Variants in IFT27 observed in about 807,000 individuals in gnomAD.
The protein encoded by IFT27 is intraflagellar transport 27, also known as intraflagellar transport protein 27 homolog.
A neutral mutation model predicts 23.9 loss-of-function variants in IFT27; 19 were observed. The observed-to-expected ratio is 0.79, with a 90% CI of 0.55 to 1.16. The LOEUF is 1.16. IFT27 is among the 50% of genes most tolerant of loss of function. The pLI, the probability that IFT27 is intolerant of heterozygous loss-of-function variation, is 0.00. For synonymous variants in IFT27, 91 were observed against 89.1 expected, an observed-to-expected ratio of 1.02 and a Z score of -0.12; for missense variants, 206 against 228.7, an observed-to-expected ratio of 0.90 and a Z score of 0.64.
intron 3 of IFT27, among the ~76,000 whole-genome samples, chr22:36,766,760 C>G (rs867670808): frequency 5.1e-4 from 77 of 151,988 alleles, no homozygotes; most frequent in African/African-American, 1.7e-3. Context: ...CAGGGCTGGT[C>G]CCCTAGGAAA....
At chr22:36,767,990 G>A (rs770314250) in intron 1 of IFT27, 128 bp from the exon 2 acceptor site, 21 of 886,878 alleles carry the variant, frequency 2.4e-5, no homozygotes, top group Middle Eastern at 2.1e-4. Flanking sequence ...TGCCTCTCAC[G>A]GGAACTTGTT....
At chr22:36,775,337 C>A (rs1366865866) in intron 1 of IFT27, among the ~76,000 whole-genome samples, 2 of 152,064 alleles carry the variant, frequency 1.3e-5, no homozygotes, top group Non-Finnish European at 2.9e-5. Flanking sequence ...CTGAAGCACT[C>A]AAGGTTTGCT....
In IFT27 at chr22:36,775,729, C is replaced by A. The variant is rs1329392161; in HGVS notation, c.-22G>T. 3.1e-6 allele frequency: 5 copies of A among 1,614,094 alleles called. No individual in the cohort carries two copies. Among genetic ancestry groups the A allele is most frequent in the Non-Finnish European group, 4.2e-6 (5 of 1,179,978 alleles). ...CCATGGTAACCAACACTCCCGCGAG[C>A]CGTACCCAGAGGACAAGAGCGGCTG... is the stretch of plus-strand genomic sequence containing the variant. On this transcript the variant is annotated 5_prime_UTR_variant, in exon 1 of 7. Transcript: ENST00000433985.
chr22:36,772,666 G>A, intron 1 of IFT27: 1 of 985,434 alleles, frequency 1.0e-6, no homozygotes. Context: ...ACTCATGCTT[G>A]CAGGCCCACT....
chr22:36,761,971 C>CA (rs1371159869), intron 6 of IFT27: 6 of 152,232 alleles, frequency 3.9e-5, no homozygotes, highest in African/African-American at 1.4e-4. Context: ...AGGTGAGGTC[C>CA]AAGTTACGAC....
Position 36,774,231 on chromosome 22 carries a change from AC to A in IFT27, c.34+1442del, listed in dbSNP as rs572770661. ...CTACTGTCAGTCATCTTTCTGTGTG[AC>A]CCTTTTATTTTCAAATTATAAAAGC... is the stretch of plus-strand genomic sequence containing the variant. On this transcript the variant is annotated intron_variant, in intron 1 of 6. Coordinates refer to ENST00000433985, the MANE Select transcript of IFT27 (RefSeq NM_001177701.3). Among the ~76,000 whole-genome samples the A allele has an allele frequency of 1.8e-4, 28 of 152,226 alleles. No homozygotes were observed. In the East Asian group the frequency reaches 5.2e-3, roughly 28 times the overall value.
rs773203145 is a variant in IFT27 at position 36,758,260 on chromosome 22, C to G, written c.*51G>C. Reference sequence around the variant, plus strand: ...AAGCCATCATTATATATTAAAAGAGCAGAGGTAATTCTGTCTTCTCCGGTT... The same window carrying G: ...AAGCCATCATTATATATTAAAAGAGGAGAGGTAATTCTGTCTTCTCCGGTT... On this transcript the variant is annotated 3_prime_UTR_variant, in exon 7 of 7. Transcript: ENST00000433985. 50 of 1,323,216 alleles carry G rather than the reference C, an allele frequency of 3.8e-5. No individual in the cohort carries two copies. Among genetic ancestry groups the G allele is most frequent in the Non-Finnish European group, 5.2e-5 (48 of 916,278 alleles). The allele number at this position is 1,323,216 out of a possible 1,614,324, so 82.0% of individuals were successfully genotyped here.
chr22:36,758,715 G>A (rs1202626005), intron 6 of IFT27: 5 of 315,540 alleles, frequency 1.6e-5, no homozygotes, highest in African/African-American at 6.4e-5. Flanking sequence ...TACGTGTGAC[G>A]AGATGTGAAA....
At chr22:36,769,925 T>C (rs1349258968) in intron 1 of IFT27, among the ~76,000 whole-genome samples, 3 of 152,124 alleles carry the variant, frequency 2.0e-5, no homozygotes, top group African/African-American at 7.2e-5. Flanking sequence ...CACCAACACT[T>C]ACAGGAAACC....
chr22:36,765,795 G>A (rs1938230761), intron 4 of IFT27, among the ~76,000 whole-genome samples: 1 of 152,216 alleles, frequency 6.6e-6, no homozygotes, highest in Admixed American at 6.5e-5. Flanking sequence ...GGAGGAGGCA[G>A]TCTGTACTGT....
intron 5 of IFT27, 151 bp from the exon 6 acceptor site, chr22:36,763,164 G>A (rs1002592610): frequency 6.0e-6 from 3 of 498,004 alleles, no homozygotes; most frequent in African/African-American, 4.0e-5. Context: ...GGGAAAGCCG[G>A]GGGTCTCTCG....
rs750955002 is a variant in IFT27 at position 36,775,726 on chromosome 22, G to T, written c.-19C>A. On this transcript the variant is annotated 5_prime_UTR_variant, in exon 1 of 7. Transcript: ENST00000433985. ...TCACCATGGTAACCAACACTCCCGC[G>T]AGCCGTACCCAGAGGACAAGAGCGG... 6 of 1,613,900 alleles carry T rather than the reference G, an allele frequency of 3.7e-6. No homozygotes were observed. In the East Asian group the frequency reaches 1.3e-4, roughly 36 times the overall value.
chr22:36,768,469 A>G (rs901552679), intron 1 of IFT27: 3 of 200,976 alleles, frequency 1.5e-5, no homozygotes, highest in African/African-American at 7.0e-5. Context: ...TCTTCTTCCC[A>G]GGGGCCTCTC....
At chr22:36,769,442 C>T (rs903965572) in intron 1 of IFT27, among the ~76,000 whole-genome samples, 1 of 152,204 alleles carries the variant, frequency 6.6e-6, no homozygotes, top group Non-Finnish European at 1.5e-5. Context: ...GCAACCTCCG[C>T]CTCCCGGGTT....
At chr22:36,772,858 G>T in intron 1 of IFT27, 1 of 839,448 alleles carries the variant, frequency 1.2e-6, no homozygotes, top group Non-Finnish European at 1.4e-6. Flanking sequence ...TGGCATGTGT[G>T]TGGTGGGGGT....
chr22:36,758,402 ATC>A lies in IFT27; in HGVS notation c.468_469del (p.Glu156AspfsTer59). ...GTGGAAAGGGGCTTCGAAGTTTTCC[ATC>A]TCTTTCTGGAAAGACAGTTTAAAAA... On this transcript the variant is annotated frameshift_variant, in exon 7 of 7. Transcript: ENST00000433985. LOFTEE classifies it high-confidence loss of function. The A allele has an allele frequency of 1.2e-6, 2 of 1,613,570 alleles. No homozygotes were observed. Among genetic ancestry groups the A allele is most frequent in the Non-Finnish European group, 1.7e-6 (2 of 1,179,628 alleles).
At chr22:36,764,766 C>T (rs903143770) in intron 4 of IFT27, among the ~76,000 whole-genome samples, 2 of 152,230 alleles carry the variant, frequency 1.3e-5, no homozygotes, top group Non-Finnish European at 2.9e-5. Flanking sequence ...CAGGGGCTGT[C>T]GCCTTCAGGG....
At chr22:36,769,500 G>A (rs564811889) in intron 1 of IFT27, among the ~76,000 whole-genome samples, 80 of 152,196 alleles carry the variant, frequency 5.3e-4, no homozygotes, top group Non-Finnish European at 9.1e-4. Flanking sequence ...GACTACAGGT[G>A]CACGCCACCA....
At position 36,758,261 on chromosome 22, in the gene IFT27, A is replaced by C; in HGVS notation, c.*50T>G. The C allele has an allele frequency of 7.5e-7, 1 of 1,328,476 alleles. No individual in the cohort carries two copies. The highest frequency in any genetic ancestry group is 1.1e-6 in the Non-Finnish European group (1 of 920,828). 82.3% of individuals were successfully genotyped at this position (1,328,476 alleles called of 1,614,324 possible). ...AGCCATCATTATATATTAAAAGAGC[A>C]GAGGTAATTCTGTCTTCTCCGGTTG... On this transcript the variant is annotated 3_prime_UTR_variant, in exon 7 of 7. Transcript: ENST00000433985.
Sources: gnomAD v4.1 joint callset for allele counts (sites outside exome capture counted in the v4.1 genomes callset) on GRCh38, gnomAD v4.1.1 for gene constraint, MANE v1.5 for transcripts, NCBI Gene and HGNC (gene_info 2026-07-23, HGNC 2026-07-21) for gene names.